The following LAMA2 variants were observed in gnomAD, a reference collection of about 807,000 sequenced individuals.
The protein encoded by LAMA2 is laminin subunit alpha-2.
A neutral mutation model predicts 364.8 loss-of-function variants in LAMA2; 269 were observed. The observed-to-expected ratio is 0.74, with a 90% CI of 0.67 to 0.82. The LOEUF is 0.82. LAMA2 is among the 40% of genes least tolerant of loss of function. The probability of loss-of-function intolerance (pLI) is 0.00; values close to 1 mark genes in which losing one functional copy is unlikely to be tolerated. For synonymous variants in LAMA2, 1,379 were observed against 1,370.6 expected (o/e 1.01, Z -0.14); for missense variants, 3,807 against 3,873.2 (o/e 0.98, Z 0.45).
At chr6:129,226,794 C>G (rs1290749173) in intron 12 of LAMA2, among the ~76,000 whole-genome samples, 6 of 152,142 alleles carry the variant, frequency 3.9e-5, no homozygotes, top group Non-Finnish European at 5.9e-5. Flanking sequence ...TTTGGTGAAT[C>G]TGACAATTAT....
At chr6:129,195,226 A>G (rs545675998) in intron 12 of LAMA2, among the ~76,000 whole-genome samples, 15 of 152,336 alleles carry the variant, frequency 9.8e-5, no homozygotes, top group South Asian at 2.1e-4. Flanking sequence ...GAAGGGCGAT[A>G]TGCTGTGCAT....
At chr6:129,094,261 G>A (rs1238098689) in intron 3 of LAMA2, among the ~76,000 whole-genome samples, 2 of 152,142 alleles carry the variant, frequency 1.3e-5, no homozygotes, top group Non-Finnish European at 2.9e-5. Context: ...CATTTAAGAA[G>A]TCCAAAAGAA....
At chr6:128,943,353 G>C (rs1241562859) in intron 1 of LAMA2, among the ~76,000 whole-genome samples, 2 of 151,754 alleles carry the variant, frequency 1.3e-5, no homozygotes, top group South Asian at 2.1e-4. Flanking sequence ...GTGCAATTAT[G>C]GCTCACTGGA....
chr6:129,033,179 T>C (rs1562170780), intron 1 of LAMA2, among the ~76,000 whole-genome samples: 1 of 148,342 alleles, frequency 6.7e-6, no homozygotes, highest in Admixed American at 6.7e-5. Context: ...AAGAAAATGA[T>C]CCAGGATTAA....
chr6:129,274,981 T>C (rs1361017433), intron 17 of LAMA2, among the ~76,000 whole-genome samples: 1 of 151,970 alleles, frequency 6.6e-6, no homozygotes, highest in Non-Finnish European at 1.5e-5. Context: ...GGCACAAGGC[T>C]GGACAGAGAT....
chr6:129,127,557 G>A (rs577605110), intron 4 of LAMA2, among the ~76,000 whole-genome samples: 24 of 152,228 alleles, frequency 1.6e-4, no homozygotes, highest in African/African-American at 5.8e-4. Flanking sequence ...TTGCTAGATC[G>A]CATCGTGATT....
intron 1 of LAMA2, among the ~76,000 whole-genome samples, chr6:128,902,446 A>G (rs1777147576): frequency 6.6e-6 from 1 of 152,234 alleles, no homozygotes; most frequent in South Asian, 2.1e-4. Flanking sequence ...TCACACTCTC[A>G]GCATATAAAC....
At chr6:129,033,786 G>C (rs1317641457) in intron 1 of LAMA2, among the ~76,000 whole-genome samples, 1 of 152,014 alleles carries the variant, frequency 6.6e-6, no homozygotes, top group Non-Finnish European at 1.5e-5. Flanking sequence ...GATGAAGTGA[G>C]GTTGGAAGAA....
At chr6:129,320,911 A>C (rs1476453200) in intron 28 of LAMA2, among the ~76,000 whole-genome samples, 1 of 152,220 alleles carries the variant, frequency 6.6e-6, no homozygotes, top group African/African-American at 2.4e-5. Context: ...TGTTTTAATA[A>C]GCCTATTTAT....
At position 129,475,419 on chromosome 6, in the gene LAMA2, GC is replaced by G; in HGVS notation, c.7451+19del. 6.4e-7 allele frequency: 1 copy of G among 1,567,552 alleles called. No individual in the cohort carries two copies. Among genetic ancestry groups the G allele is most frequent in the Non-Finnish European group, 8.7e-7 (1 of 1,147,864 alleles). On this transcript the variant is annotated intron_variant, in intron 53 of 64. Coordinates refer to ENST00000421865, the MANE Select transcript of LAMA2 (RefSeq NM_000426.4). Reference sequence around the variant, plus strand: ...AAAGCAAGGTAAAATTTAAATTTATGCATGCCTTCTTCGAGTGCATGGGTTG... The same window carrying G: ...AAAGCAAGGTAAAATTTAAATTTATGATGCCTTCTTCGAGTGCATGGGTTG...
intron 20 of LAMA2, among the ~76,000 whole-genome samples, chr6:129,296,030 T>C (rs1294633394): frequency 6.6e-6 from 1 of 151,936 alleles, no homozygotes; most frequent in Non-Finnish European, 1.5e-5. Context: ...TAGTTTCATA[T>C]TTTTGTTTAA....
chr6:129,467,083 A>G (rs1354616007), intron 51 of LAMA2, among the ~76,000 whole-genome samples: 1 of 151,820 alleles, frequency 6.6e-6, no homozygotes, highest in Non-Finnish European at 1.5e-5. Context: ...TATGCATTAT[A>G]AAAGAAAAAA....
At chr6:129,234,560 C>G (rs1023818953) in intron 12 of LAMA2, among the ~76,000 whole-genome samples, 1 of 152,010 alleles carries the variant, frequency 6.6e-6, no homozygotes, top group Non-Finnish European at 1.5e-5. Flanking sequence ...AATAAGAAAT[C>G]CATTAGCATA....
At chr6:128,922,926 T>A (rs1370634242) in intron 1 of LAMA2, among the ~76,000 whole-genome samples, 1 of 152,066 alleles carries the variant, frequency 6.6e-6, no homozygotes, top group South Asian at 2.1e-4. Flanking sequence ...TTTCTACATA[T>A]GGCTAGCCAG....
intron 1 of LAMA2, 82 bp from the exon 2 acceptor site, chr6:129,049,836 T>C: frequency 7.8e-7 from 1 of 1,281,240 alleles, no homozygotes; most frequent in Non-Finnish European, 1.1e-6. Context: ...CGAAAAATAT[T>C]TTATCTCAAT....
chr6:128,890,939 A>G (rs1776416962), intron 1 of LAMA2, among the ~76,000 whole-genome samples: 1 of 152,132 alleles, frequency 6.6e-6, no homozygotes. Flanking sequence ...AAAAACATTT[A>G]AAGACTTTCA....
chr6:129,296,082 A>C (rs1432123241), intron 20 of LAMA2, among the ~76,000 whole-genome samples: 1 of 151,890 alleles, frequency 6.6e-6, no homozygotes, highest in Non-Finnish European at 1.5e-5. Flanking sequence ...TATATCATTA[A>C]AACTGCTTCA....
intron 20 of LAMA2, 83 bp from the exon 21 acceptor site, chr6:129,297,602 A>G (rs566231091): frequency 7.6e-7 from 1 of 1,310,698 alleles, no homozygotes; most frequent in Non-Finnish European, 1.1e-6. Context: ...CTCTGTTCCC[A>G]CCTGATCTTT....
At chr6:129,324,503 A>G (rs1472073146) in intron 28 of LAMA2, among the ~76,000 whole-genome samples, 1 of 152,232 alleles carries the variant, frequency 6.6e-6, no homozygotes, top group Non-Finnish European at 1.5e-5. Context: ...CTTGTACTCA[A>G]CTATTATATT....
Sources: gnomAD v4.1 joint callset for allele counts (sites outside exome capture counted in the v4.1 genomes callset) on GRCh38, gnomAD v4.1.1 for gene constraint, MANE v1.5 for transcripts, NCBI Gene and HGNC (gene_info 2026-07-23, HGNC 2026-07-21) for gene names.